Variants in PLD5 observed in about 807,000 individuals in gnomAD.
PLD5 encodes the protein inactive phospholipase D5.
PLD5 carries 36 observed loss-of-function variants against 61.1 expected under a neutral mutation model. The observed-to-expected ratio is 0.59, with a 90% CI of 0.45 to 0.78. The LOEUF (loss-of-function observed/expected upper bound fraction) is 0.78. Ranked by LOEUF, PLD5 falls within the 30% of genes least tolerant of loss-of-function variation. The probability of loss-of-function intolerance (pLI) is 0.00; values close to 1 mark genes in which losing one functional copy is unlikely to be tolerated. For missense variants in PLD5, 515 were observed against 644.4 expected (o/e 0.80, Z 2.17); for synonymous variants, 243 against 242.8 (o/e 1.00, Z -0.01).
At chr1:242,506,940 C>T (rs201565477) in intron 1 of PLD5, among the ~76,000 whole-genome samples, 7 of 152,156 alleles carry the variant, frequency 4.6e-5, no homozygotes, top group African/African-American at 7.2e-5. Flanking sequence ...GCGGTACTAA[C>T]GGTGATCACA....
chr1:242,267,137 C>CAAA (rs140341129), intron 3 of PLD5, among the ~76,000 whole-genome samples: 1 of 100,896 alleles, frequency 9.9e-6, no homozygotes, highest in Admixed American at 9.6e-5. Context: ...AATAAAAAAA[C>CAAA]AAAAAAAAAA....
intron 5 of PLD5, among the ~76,000 whole-genome samples, chr1:242,162,722 G>A (rs1485478704): frequency 6.6e-6 from 1 of 152,156 alleles, no homozygotes; most frequent in African/African-American, 2.4e-5. Flanking sequence ...AAAGCTACGA[G>A]AAGTTTTTCC....
intron 5 of PLD5, among the ~76,000 whole-genome samples, chr1:242,198,393 C>A (rs896868088): frequency 6.6e-6 from 1 of 152,038 alleles, no homozygotes; most frequent in African/African-American, 2.4e-5. Context: ...GAACCAGAGA[C>A]AACGTGACTT....
intron 1 of PLD5, among the ~76,000 whole-genome samples, chr1:242,478,330 T>A (rs368402478): frequency 2.6e-5 from 4 of 152,122 alleles, no homozygotes; most frequent in Admixed American, 2.0e-4. Flanking sequence ...GAGAGCAGCA[T>A]GCAGCACTGG....
chr1:242,125,937 T>G (rs1360506845), intron 5 of PLD5, among the ~76,000 whole-genome samples: 1 of 152,204 alleles, frequency 6.6e-6, no homozygotes, highest in Non-Finnish European at 1.5e-5. Context: ...CTGATAGACT[T>G]CATTCCTATA....
At chr1:242,241,830 T>C (rs1190058377) in intron 4 of PLD5, among the ~76,000 whole-genome samples, 1 of 140,942 alleles carries the variant, frequency 7.1e-6, no homozygotes, top group Non-Finnish European at 1.5e-5. Flanking sequence ...TTAAAAATAT[T>C]GAAGAAGGCT....
intron 4 of PLD5, among the ~76,000 whole-genome samples, chr1:242,249,075 C>T (rs1276580360): frequency 6.6e-6 from 1 of 152,102 alleles, no homozygotes; most frequent in East Asian, 1.9e-4. Context: ...AAGATGGCAC[C>T]ACTGAACCCC....
chr1:242,348,874 GA>G (rs1574775938), intron 1 of PLD5, among the ~76,000 whole-genome samples: 1 of 152,266 alleles, frequency 6.6e-6, no homozygotes, highest in East Asian at 1.9e-4. Context: ...CTAACACGGT[GA>G]AACCCTGTCT....
chr1:242,138,137 C>T (rs769944843), intron 5 of PLD5, among the ~76,000 whole-genome samples: 47 of 152,204 alleles, frequency 3.1e-4, no homozygotes, highest in Non-Finnish European at 4.7e-4. Flanking sequence ...CTGCTTAGTT[C>T]GTAGACTGGT....
At chr1:242,125,591 A>G (rs1317746785) in intron 5 of PLD5, among the ~76,000 whole-genome samples, 2 of 152,188 alleles carry the variant, frequency 1.3e-5, no homozygotes, top group Non-Finnish European at 2.9e-5. Context: ...TACAATGTGA[A>G]ATTTTGGTCA....
At chr1:242,186,308 G>A (rs1371160035) in intron 5 of PLD5, among the ~76,000 whole-genome samples, 2 of 151,744 alleles carry the variant, frequency 1.3e-5, no homozygotes, top group African/African-American at 4.8e-5. Flanking sequence ...TCAGCCTCCC[G>A]AGTAGCTGGG....
At chr1:242,368,159 G>C (rs916783891) in intron 1 of PLD5, among the ~76,000 whole-genome samples, 7 of 152,144 alleles carry the variant, frequency 4.6e-5, no homozygotes, top group African/African-American at 1.4e-4. Flanking sequence ...CCTCTAACAA[G>C]GGACTTTTGC....
At chr1:242,443,998 C>T (rs1274007182) in intron 1 of PLD5, among the ~76,000 whole-genome samples, 2 of 152,152 alleles carry the variant, frequency 1.3e-5, no homozygotes, top group Non-Finnish European at 2.9e-5. Flanking sequence ...GTGCAGCATC[C>T]ATCATGAATC....
At chr1:242,331,685 G>C (rs925134278) in intron 2 of PLD5, among the ~76,000 whole-genome samples, 6 of 152,248 alleles carry the variant, frequency 3.9e-5, no homozygotes, top group African/African-American at 1.4e-4. Flanking sequence ...CACATAAATT[G>C]AGTGTGTCTT....
intron 5 of PLD5, among the ~76,000 whole-genome samples, chr1:242,160,260 A>T (rs543198234): frequency 5.9e-5 from 9 of 152,236 alleles, no homozygotes; most frequent in African/African-American, 1.4e-4. Flanking sequence ...GGCTCAAGTG[A>T]CTTTCCCACC....
chr1:242,167,078 GTAATAATAATAATAATAA>G (rs377540462), intron 5 of PLD5, among the ~76,000 whole-genome samples: 1 of 58,664 alleles, frequency 1.7e-5, no homozygotes, highest in Non-Finnish European at 3.2e-5. Flanking sequence ...AATAATAATA[GTAATAATAATAATAATAA>G]TAATAATAAT....
intron 5 of PLD5, among the ~76,000 whole-genome samples, chr1:242,144,648 G>A (rs1165258622): frequency 1.3e-5 from 2 of 152,144 alleles, no homozygotes; most frequent in Non-Finnish European, 2.9e-5. Context: ...GGGTGTGGTG[G>A]CACGTGCCTG....
chr1:242,362,720 ATCCT>A (rs1372296369), intron 1 of PLD5, among the ~76,000 whole-genome samples: 2 of 152,042 alleles, frequency 1.3e-5, no homozygotes, highest in Non-Finnish European at 2.9e-5. Flanking sequence ...TTTCTCTAAA[ATCCT>A]TATAATAGAC....
At chr1:242,138,199 CACAT>C (rs952843191) in intron 5 of PLD5, among the ~76,000 whole-genome samples, 12 of 152,282 alleles carry the variant, frequency 7.9e-5, no homozygotes, top group African/African-American at 2.2e-4. Context: ...GAGCATCTCT[CACAT>C]ACAAGGCACT....
Sources: allele counts gnomAD v4.1 joint callset (sites outside exome capture counted in the v4.1 genomes callset), GRCh38; gene constraint gnomAD v4.1.1; transcripts MANE v1.5; gene names NCBI Gene and HGNC (gene_info 2026-07-23, HGNC 2026-07-21).